TRAPPC12: variants seen among roughly 807,000 people sequenced by gnomAD.
TRAPPC12 encodes the protein TPR repeat protein 15.
TRAPPC12 carries 61 observed loss-of-function variants against 69.2 expected under a neutral mutation model. The ratio of observed to expected loss-of-function variants is 0.88; its 90% CI spans 0.72 to 1.09. The LOEUF (loss-of-function observed/expected upper bound fraction) is 1.09. TRAPPC12 is among the 50% of genes least tolerant of loss of function. The pLI is 0.00. For synonymous variants in TRAPPC12, 469 were observed against 438.9 expected, an observed-to-expected ratio of 1.07 and a Z score of -0.86; for missense variants, 1,101 against 1,016.4, an observed-to-expected ratio of 1.08 and a Z score of -1.13.
In TRAPPC12 at chr2:3,401,022, G is replaced by A. The variant is rs116358600; in HGVS notation, c.1048-755G>A. Among the ~76,000 whole-genome samples the A allele has an allele frequency of 2.7e-3, 404 of 152,304 alleles. 1 individual carries two copies. Among genetic ancestry groups the A allele is most frequent in the African/African-American group, 8.1e-3 (338 of 41,576 alleles). On this transcript the variant is annotated intron_variant, in intron 2 of 11. Coordinates refer to ENST00000324266, the MANE Select transcript of TRAPPC12 (RefSeq NM_016030.6). ...TCCACGTCCAGTGTTCTTCAGCACCGTCTAAAGATCGTTCTAATCAGAGGA... is the reference window on the plus strand; with the variant it reads ...TCCACGTCCAGTGTTCTTCAGCACCATCTAAAGATCGTTCTAATCAGAGGA...
chr2:3,406,925 C>A (rs1033378788), intron 3 of TRAPPC12, among the ~76,000 whole-genome samples: 2 of 152,118 alleles, frequency 1.3e-5, no homozygotes, highest in African/African-American at 4.8e-5. Flanking sequence ...ATACTTGAGA[C>A]CATCAGAAAT....
At chr2:3,456,089 A>C (rs1275068827) in intron 6 of TRAPPC12, 2 of 152,134 alleles carry the variant, frequency 1.3e-5, no homozygotes, top group African/African-American at 4.8e-5. Flanking sequence ...ATGTCGTTTT[A>C]CCTAGTTTAA....
At chr2:3,399,020 T>C (rs1476639845) in intron 2 of TRAPPC12, among the ~76,000 whole-genome samples, 1 of 152,174 alleles carries the variant, frequency 6.6e-6, no homozygotes, top group African/African-American at 2.4e-5. Flanking sequence ...TACAAGCGTC[T>C]CCACCTCCCT....
chr2:3,420,988 T>C (rs1432134360), intron 3 of TRAPPC12, among the ~76,000 whole-genome samples: 1 of 152,186 alleles, frequency 6.6e-6, no homozygotes, highest in Non-Finnish European at 1.5e-5. Context: ...ATCATACCAC[T>C]AATGAGTGCT....
intron 9 of TRAPPC12, among the ~76,000 whole-genome samples, chr2:3,476,937 G>A (rs1666319178): frequency 1.3e-5 from 2 of 152,254 alleles, no homozygotes; most frequent in African/African-American, 4.8e-5. Context: ...CCTCGTGAGC[G>A]CGGCTTGGGC....
chr2:3,382,130 CTTTTTTTTTTTTTT>C (rs70938942), intron 1 of TRAPPC12, among the ~76,000 whole-genome samples: 1 of 93,594 alleles, frequency 1.1e-5, no homozygotes. Flanking sequence ...TTTATTTCCA[CTTTTTTTTTTTTTT>C]TTTTTTTTTG....
intron 9 of TRAPPC12, among the ~76,000 whole-genome samples, chr2:3,472,036 G>A (rs1334926501): frequency 6.6e-6 from 1 of 152,188 alleles, no homozygotes; most frequent in Non-Finnish European, 1.5e-5. Context: ...GAAAGCCTCA[G>A]CCACTGCAGG....
chr2:3,396,067 A>G (rs965545474), intron 2 of TRAPPC12, among the ~76,000 whole-genome samples: 2 of 151,946 alleles, frequency 1.3e-5, no homozygotes, highest in South Asian at 2.1e-4. Flanking sequence ...GCTTCACCAC[A>G]TTGGCCAGGC....
At chr2:3,382,905 A>G (rs1288231255) in intron 1 of TRAPPC12, among the ~76,000 whole-genome samples, 1 of 152,246 alleles carries the variant, frequency 6.6e-6, no homozygotes, top group Non-Finnish European at 1.5e-5. Context: ...CGCCAGGGTG[A>G]CAGAGCCAGA....
At chr2:3,402,363 G>A (rs376914720) in intron 3 of TRAPPC12, among the ~76,000 whole-genome samples, 31 of 152,224 alleles carry the variant, frequency 2.0e-4, no homozygotes, top group East Asian at 1.9e-3. Flanking sequence ...AGGCCAAGGC[G>A]GGCAGATCAC....
At chr2:3,479,154 G>A in intron 11 of TRAPPC12, 65 bp from the exon 12 acceptor site, 1 of 1,575,858 alleles carries the variant, frequency 6.3e-7, no homozygotes, top group Non-Finnish European at 8.6e-7. Flanking sequence ...CCAGCACGCA[G>A]CCTGGAATGG....
intron 5 of TRAPPC12, among the ~76,000 whole-genome samples, chr2:3,426,681 G>T (rs1395554041): frequency 6.6e-6 from 1 of 152,182 alleles, no homozygotes; most frequent in Non-Finnish European, 1.5e-5. Context: ...CCTCTTCCCT[G>T]GGGTATTTCT....
chr2:3,457,053 TGTCCCTGTG>T, intron 6 of TRAPPC12: 1 of 461,286 alleles, frequency 2.2e-6, no homozygotes, highest in Non-Finnish European at 4.4e-6. Flanking sequence ...GTTTACAGTG[TGTCCCTGTG>T]GGCGAACGGG....
chr2:3,445,738 G>A (rs1664472506), intron 6 of TRAPPC12, among the ~76,000 whole-genome samples: 1 of 152,212 alleles, frequency 6.6e-6, no homozygotes, highest in South Asian at 2.1e-4. Context: ...TCACTTGCCT[G>A]GCTTCATCAC....
At chr2:3,458,196 G>A in intron 7 of TRAPPC12, 1 of 998,650 alleles carries the variant, frequency 1.0e-6, no homozygotes, top group Non-Finnish European at 1.2e-6. Flanking sequence ...GGGGGACTGG[G>A]TGGGTTGACA....
At chr2:3,439,886 C>G (rs571792640) in intron 5 of TRAPPC12, among the ~76,000 whole-genome samples, 1 of 122,986 alleles carries the variant, frequency 8.1e-6, no homozygotes, top group Non-Finnish European at 1.7e-5. Flanking sequence ...TGTCTAGATT[C>G]ATTTTTTTTT....
chr2:3,479,198 T>C, intron 11 of TRAPPC12, 21 bp from the exon 12 acceptor site: 1 of 1,607,844 alleles, frequency 6.2e-7, no homozygotes, highest in South Asian at 1.1e-5. Context: ...GGGCCAACCC[T>C]GGGCGTGTGC....
At chr2:3,421,460 C>G (rs1010387642) in intron 3 of TRAPPC12, among the ~76,000 whole-genome samples, 1 of 152,124 alleles carries the variant, frequency 6.6e-6, no homozygotes, top group Non-Finnish European at 1.5e-5. Flanking sequence ...CTTACAGATA[C>G]AAATAAATAT....
intron 3 of TRAPPC12, among the ~76,000 whole-genome samples, chr2:3,410,905 C>A (rs1424393721): frequency 6.6e-6 from 1 of 152,192 alleles, no homozygotes; most frequent in Non-Finnish European, 1.5e-5. Flanking sequence ...TGGTGCACGC[C>A]TGTAGTCCCA....
Sources: allele counts gnomAD v4.1 joint callset (sites outside exome capture counted in the v4.1 genomes callset), GRCh38; gene constraint gnomAD v4.1.1; transcripts MANE v1.5; gene names NCBI Gene and HGNC (gene_info 2026-07-23, HGNC 2026-07-21).